PGAM5: variants seen among roughly 807,000 people sequenced by gnomAD.
PGAM5 encodes the protein PGAM family member 5, mitochondrial serine/threonine protein phosphatase.
Under a neutral mutation model 30.6 loss-of-function variants are expected in PGAM5, and 25 were observed. The ratio of observed to expected loss-of-function variants is 0.82; its 90% CI spans 0.60 to 1.14. PGAM5 has a LOEUF of 1.14. Ranked by LOEUF, PGAM5 falls within the 50% of genes most tolerant of loss-of-function variation. PGAM5 has a pLI of 0.00. For synonymous variants in PGAM5, 201 were observed against 179.1 expected, an observed-to-expected ratio of 1.12 and a Z score of -0.98; for missense variants, 384 against 408.5, an observed-to-expected ratio of 0.94 and a Z score of 0.52.
chr12:132,718,466 T>G (rs1400603955), intron 5 of PGAM5, among the ~76,000 whole-genome samples: 1 of 2,738 alleles, frequency 3.7e-4, no homozygotes, highest in African/African-American at 2.7e-3. Flanking sequence ...CTGGGTGGGG[T>G]GCGTGCTGGG....
intron 5 of PGAM5, chr12:132,718,823 GCTGAT>G (rs1483693184): frequency 1.2e-6 from 2 of 1,613,448 alleles, no homozygotes; most frequent in Non-Finnish European, 1.7e-6. Context: ...TCTTTCACTT[GCTGAT>G]CTGTGGGCGC....
At chr12:132,718,705 T>C (rs944508151) in intron 5 of PGAM5, 5 of 1,578,850 alleles carry the variant, frequency 3.2e-6, no homozygotes, top group African/African-American at 1.3e-5. Flanking sequence ...TTGAACGTCC[T>C]GTTTCCCCTC....
chr12:132,717,311 G>C (rs908128108), intron 2 of PGAM5, 128 bp from the exon 3 acceptor site: 205 of 1,148,736 alleles, frequency 1.8e-4, no homozygotes, highest in Non-Finnish European at 2.1e-4. Flanking sequence ...GGCGGAGGAG[G>C]GGGTGTTTGC....
intron 1 of PGAM5, among the ~76,000 whole-genome samples, chr12:132,714,113 G>C (rs975447632): frequency 6.6e-6 from 1 of 152,154 alleles, no homozygotes; most frequent in Non-Finnish European, 1.5e-5. Flanking sequence ...CGCCTCCCAG[G>C]TTCAAGCGAT....
At chr12:132,719,075 G>A in intron 5 of PGAM5, 2 of 1,408,060 alleles carry the variant, frequency 1.4e-6, no homozygotes, top group Non-Finnish European at 1.8e-6. Context: ...CACGTTAGAG[G>A]GCCCCTTGGG....
rs2043616762 is a variant in PGAM5 at position 132,718,964 on chromosome 12, G to A, written c.719+844G>A. On this transcript the variant is annotated intron_variant, in intron 5 of 5. Transcript: ENST00000498926. ...CCCTTGTCCCTCAACCTGCTCTGGTGCCCCACTCTCAGCACCACAGAATGA... is the reference window on the plus strand; with the variant it reads ...CCCTTGTCCCTCAACCTGCTCTGGTACCCCACTCTCAGCACCACAGAATGA... The A allele has an allele frequency of 2.7e-6, 4 of 1,494,912 alleles. No homozygotes were observed. In the South Asian group the frequency reaches 4.0e-5, roughly 15 times the overall value. 92.6% of individuals were successfully genotyped at this position (1,494,912 alleles called of 1,614,324 possible). A position where few individuals can be genotyped will look rare whatever the true frequency, so the allele number is the denominator to read the frequency against.
intron 5 of PGAM5, 56 bp from the exon 6 acceptor site, chr12:132,720,622 A>G: frequency 6.7e-7 from 1 of 1,498,794 alleles, no homozygotes; most frequent in South Asian, 1.3e-5. Context: ...AGCCCGTTTT[A>G]AGGACAGAGC....
At chr12:132,712,885 C>T (rs933472653) in intron 1 of PGAM5, among the ~76,000 whole-genome samples, 13 of 152,054 alleles carry the variant, frequency 8.5e-5, no homozygotes, top group Admixed American at 7.9e-4. Flanking sequence ...AGGCTGGGTG[C>T]GGTGGCTCAC....
rs1468512133 is a variant in PGAM5, at chr12:132,715,029, C to T, written c.363C>T (p.Thr121=). ...CCCTGGAGAAGGACCGCACTCTGAC[C>T]CCGCTGGGTATGTGGTGGGTTCAGA... is the stretch of plus-strand genomic sequence containing the variant. ...DGSLEKDRTL[T]PLGREQAELT... is the part of the protein sequence containing the mutation. The change falls in exon 2 of 6, where the codon ACC becomes ACT. Residue 121 remains threonine, a synonymous_variant. Coordinates refer to ENST00000498926, the MANE Select transcript of PGAM5 (RefSeq NM_001170543.2). 39 of 1,609,936 alleles carry T rather than the reference C, an allele frequency of 2.4e-5. No individual in the cohort carries two copies. The highest frequency in any genetic ancestry group is 3.1e-5 in the Non-Finnish European group (36 of 1,178,574).
At position 132,714,924 on chromosome 12, in the gene PGAM5, G is replaced by C. The variant is rs146099818; in HGVS notation, c.258G>C (p.Ala86=). 3.1e-6 allele frequency: 5 copies of C among 1,613,690 alleles called. No individual in the cohort carries two copies. In the South Asian group the frequency reaches 5.5e-5, roughly 18 times the overall value. ...TGGAATCTGGGGAAGAAGAGCTGGCGTCCAAGCTGGACCACTACAAAGCCA... is the reference window on the plus strand; with the variant it reads ...TGGAATCTGGGGAAGAAGAGCTGGCCTCCAAGCTGGACCACTACAAAGCCA... ...RNVESGEEEL[A]SKLDHYKAKA... The change falls in exon 2 of 6, where the codon GCG becomes GCC. Residue 86 remains alanine, a synonymous_variant. Coordinates refer to ENST00000498926, the MANE Select transcript of PGAM5 (RefSeq NM_001170543.2).
At chr12:132,712,166 A>G (rs2043529460) in intron 1 of PGAM5, among the ~76,000 whole-genome samples, 1 of 152,178 alleles carries the variant, frequency 6.6e-6, no homozygotes, top group South Asian at 2.1e-4. Context: ...AATAATATAG[A>G]TTAATTATAG....
rs1317838639 is a variant in PGAM5 at position 132,713,223 on chromosome 12, A to G, written c.192-1635A>G. On this transcript the variant is annotated intron_variant, in intron 1 of 5. Transcript: ENST00000498926. The stretch of plus-strand genomic sequence containing the variant: ...TGAGCCCAGCCTTTCTCTTTTAAGC[A>G]GGTGTTCTGTATTTGCTTGTCATGT... Among the ~76,000 whole-genome samples the G allele has an allele frequency of 2.0e-5, 3 of 152,172 alleles. 1 individual carries two copies. The highest frequency in any genetic ancestry group is 4.4e-5 in the Non-Finnish European group (3 of 68,032).
At chr12:132,716,820 C>T (rs1226134016) in intron 2 of PGAM5, among the ~76,000 whole-genome samples, 6 of 152,188 alleles carry the variant, frequency 3.9e-5, no homozygotes, top group East Asian at 1.9e-4. Flanking sequence ...CCACAGACGC[C>T]GCCCCCCAGT....
intron 5 of PGAM5, among the ~76,000 whole-genome samples, chr12:132,720,412 A>T (rs2136088583): frequency 6.6e-6 from 1 of 151,182 alleles, no homozygotes; most frequent in East Asian, 2.0e-4. Flanking sequence ...GGTTCACGCC[A>T]TTCTTCTGCC....
intron 4 of PGAM5, 80 bp downstream of exon 4, chr12:132,717,878 A>G (rs2043598414): frequency 4.4e-6 from 7 of 1,593,306 alleles, no homozygotes; most frequent in Middle Eastern, 1.7e-4. Context: ...ACCATCCACC[A>G]CGTGCCCGGC....
At position 132,710,914 on chromosome 12, in the gene PGAM5, G is replaced by T; in HGVS notation, c.38G>T (p.Gly13Val). ...CAGGCGCTGCAGCTGGCGGCCTGCG[G>T]GCTGGCCGGGGGCTCGGCCGCCGTG... The part of the protein sequence containing the change: ...FRQALQLAAC[G>V]LAGGSAAVLF... The change falls in exon 1 of 6, where the codon GGG (glycine) becomes GTG (valine). Residue 13 changes from glycine to valine, a missense_variant. Physicochemically the swap from Gly to Val is moderately radical, Grantham distance 109. Coordinates refer to ENST00000498926, the MANE Select transcript of PGAM5 (RefSeq NM_001170543.2). The T allele has an allele frequency of 8.7e-7, 1 of 1,152,668 alleles. No individual in the cohort carries two copies. The highest frequency in any genetic ancestry group is 4.2e-5 in the South Asian group (1 of 23,748). 71.4% of individuals were successfully genotyped at this position (1,152,668 alleles called of 1,614,324 possible). A position where few individuals can be genotyped will look rare whatever the true frequency, so the allele number is the denominator to read the frequency against.
chr12:132,718,799 C>T, intron 5 of PGAM5: 1 of 1,613,640 alleles, frequency 6.2e-7, no homozygotes, highest in South Asian at 1.1e-5. Flanking sequence ...TTTTGTGCTT[C>T]TGGGGTCCTG....
chr12:132,712,051 G>T (rs2043527872), intron 1 of PGAM5, among the ~76,000 whole-genome samples: 1 of 152,134 alleles, frequency 6.6e-6, no homozygotes, highest in Non-Finnish European at 1.5e-5. Context: ...TACTGTGGTT[G>T]CGTTAGGTAC....
At chr12:132,715,519 T>A (rs1398759481) in intron 2 of PGAM5, among the ~76,000 whole-genome samples, 2 of 142,702 alleles carry the variant, frequency 1.4e-5, no homozygotes, top group African/African-American at 5.3e-5. Flanking sequence ...TGCAGTGAGC[T>A]GAGATCGCAC....
Sources: allele counts gnomAD v4.1 joint callset (sites outside exome capture counted in the v4.1 genomes callset), GRCh38; gene constraint gnomAD v4.1.1; transcripts MANE v1.5; gene names NCBI Gene and HGNC (gene_info 2026-07-23, HGNC 2026-07-21).